Variants in ADCY10 observed in about 807,000 individuals in gnomAD.
The protein encoded by ADCY10 is adenylate cyclase type 10.
A neutral mutation model predicts 183.3 loss-of-function variants in ADCY10; 156 were observed. The observed-to-expected ratio is 0.85, with a 90% CI of 0.75 to 0.97. ADCY10 has a LOEUF of 0.97. Ranked by LOEUF, ADCY10 falls within the 50% of genes least tolerant of loss-of-function variation. ADCY10 has a pLI of 0.00. For synonymous variants in ADCY10, 645 were observed against 670.0 expected (o/e 0.96, Z 0.58); for missense variants, 1,745 against 1,934.3 (o/e 0.90, Z 1.84).
At chr1:167,842,288 T>TG (rs1238297283) in intron 21 of ADCY10, among the ~76,000 whole-genome samples, 5 of 152,168 alleles carry the variant, frequency 3.3e-5, no homozygotes, top group African/African-American at 1.2e-4. Context: ...TATAGATGTG[T>TG]GCCATCATAC....
chr1:167,876,524 T>A (rs562397186), intron 12 of ADCY10, among the ~76,000 whole-genome samples: 115 of 152,324 alleles, frequency 7.5e-4, no homozygotes, highest in African/African-American at 2.6e-3. Flanking sequence ...AAGGTTCCCA[T>A]GTAACATACA....
At chr1:167,858,466 C>G (rs1029387971) in intron 16 of ADCY10, among the ~76,000 whole-genome samples, 1 of 141,260 alleles carries the variant, frequency 7.1e-6, no homozygotes, top group African/African-American at 2.6e-5. Context: ...CCATTGCACT[C>G]CAGCCTGGGC....
intron 12 of ADCY10, among the ~76,000 whole-genome samples, chr1:167,876,393 G>T (rs1357806144): frequency 1.3e-5 from 2 of 152,022 alleles, no homozygotes; most frequent in Admixed American, 1.3e-4. Flanking sequence ...CATAGGCCAG[G>T]GTGCATATGT....
intron 28 of ADCY10, among the ~76,000 whole-genome samples, chr1:167,823,412 G>A (rs1051002834): frequency 6.2e-5 from 6 of 97,108 alleles, no homozygotes; most frequent in Non-Finnish European, 5.7e-5. Flanking sequence ...GCAAAAGAGC[G>A]AAACTCCATC....
rs1668996145 is a variant in ADCY10 at position 167,896,636 on chromosome 1, C to T, written c.698G>A (p.Cys233Tyr). 1.9e-6 allele frequency: 3 copies of T among 1,613,774 alleles called. No homozygotes were observed. The highest frequency in any genetic ancestry group is 2.5e-6 in the Non-Finnish European group (3 of 1,179,700). Residue 233 changes from cysteine (C) to tyrosine (Y), a missense_variant, in exon 7 of 33, where the codon TGT becomes TAT. Coordinates refer to ENST00000367851, the MANE Select transcript of ADCY10 (RefSeq NM_018417.6). The part of the protein sequence containing the change: ...NFNFDEFFTK[C>Y]TTFMHYYPSG... ...AGGATAATAATGCATGAAGGTCGTA[C>T]ACTTTGTGAAAAATTCATCAAAATT...
chr1:167,892,703 T>C (rs1668680535), intron 8 of ADCY10, among the ~76,000 whole-genome samples: 1 of 152,186 alleles, frequency 6.6e-6, no homozygotes, highest in Non-Finnish European at 1.5e-5. Flanking sequence ...GGGTGCATTC[T>C]GATACCTCTC....
intron 25 of ADCY10, among the ~76,000 whole-genome samples, chr1:167,831,492 C>A (rs1431571543): frequency 1.3e-5 from 2 of 152,180 alleles, no homozygotes; most frequent in Admixed American, 6.5e-5. Flanking sequence ...CAACACCCAG[C>A]CCTGGGTAAA....
At position 167,827,334 on chromosome 1, in the gene ADCY10, A is replaced by ATTTT. The variant is rs35177857; in HGVS notation, c.3750+1929_3750+1932dup. Among the ~76,000 whole-genome samples, 858 of 132,864 alleles carry ATTTT rather than the reference A, an allele frequency of 6.5e-3. 12 individuals carry two copies. Among genetic ancestry groups the ATTTT allele is most frequent in the African/African-American group, 0.023 (818 of 35,062 alleles). The allele number at this position is 132,864 out of a possible 152,430, so 87.2% of individuals were successfully genotyped here. ...AGGCGCCCGCCACCACGCCCGGCTA[A>ATTTT]TTTTTTTTTTTTTTTTTGTATTTTC... On this transcript the variant is annotated intron_variant, in intron 26 of 32. Coordinates refer to ENST00000367851, the MANE Select transcript of ADCY10 (RefSeq NM_018417.6).
intron 30 of ADCY10, among the ~76,000 whole-genome samples, chr1:167,818,869 G>A (rs1428457147): frequency 6.6e-6 from 1 of 152,178 alleles, no homozygotes; most frequent in Non-Finnish European, 1.5e-5. Flanking sequence ...AAGTGAGGGA[G>A]ATCAGACACT....
chr1:167,868,759 T>G (rs747763529), intron 14 of ADCY10, among the ~76,000 whole-genome samples: 5 of 152,352 alleles, frequency 3.3e-5, no homozygotes, highest in Admixed American at 6.5e-5. Flanking sequence ...ATTAAAAAGA[T>G]GATGAATGAC....
intron 16 of ADCY10, among the ~76,000 whole-genome samples, chr1:167,858,089 C>T (rs1299291067): frequency 2.0e-5 from 3 of 152,158 alleles, no homozygotes; most frequent in African/African-American, 7.2e-5. Flanking sequence ...AAGAAGAAAG[C>T]TGTATTATAA....
chr1:167,859,721 G>A, intron 16 of ADCY10, 86 bp downstream of exon 16: 1 of 958,590 alleles, frequency 1.0e-6, no homozygotes, highest in East Asian at 2.4e-5. Flanking sequence ...TCTTGCCAAT[G>A]TGGTCTGAAC....
intron 7 of ADCY10, 55 bp from the exon 8 acceptor site, chr1:167,893,996 G>T: frequency 8.0e-7 from 1 of 1,248,714 alleles, no homozygotes; most frequent in Non-Finnish European, 1.2e-6. Flanking sequence ...GCTCTGCAGT[G>T]CTAGTGAGAG....
At chr1:167,844,983 CT>C (rs1253862397) in intron 21 of ADCY10, among the ~76,000 whole-genome samples, 16 of 152,172 alleles carry the variant, frequency 1.1e-4, no homozygotes, top group African/African-American at 3.9e-4. Flanking sequence ...CTTACACCCC[CT>C]GAATCCTCTG....
At chr1:167,829,158 C>G in intron 26 of ADCY10, 109 bp downstream of exon 26, 3 of 1,316,274 alleles carry the variant, frequency 2.3e-6, no homozygotes, top group Non-Finnish European at 3.2e-6. Context: ...AATCAGAAAG[C>G]CTTCTATTAT....
intron 13 of ADCY10, among the ~76,000 whole-genome samples, chr1:167,871,785 A>AACT (rs141707423): frequency 0.025 from 3,771 of 152,330 alleles, 156 homozygotes; most frequent in African/African-American, 0.083. Flanking sequence ...GCTTAGTGAG[A>AACT]ACTACTTAGC....
At chr1:167,874,902 C>T (rs1254221394) in intron 13 of ADCY10, among the ~76,000 whole-genome samples, 1 of 152,096 alleles carries the variant, frequency 6.6e-6, no homozygotes, top group African/African-American at 2.4e-5. Context: ...CCATCTGTAT[C>T]AATTTTTTAA....
At chr1:167,809,912 C>T in intron 32 of ADCY10, 73 bp from the exon 33 acceptor site, 2 of 1,463,654 alleles carry the variant, frequency 1.4e-6, no homozygotes, top group Non-Finnish European at 1.9e-6. Flanking sequence ...AGTCCAATAT[C>T]AAACAAGGCA....
intron 8 of ADCY10, among the ~76,000 whole-genome samples, chr1:167,890,886 C>T (rs899972201): frequency 1.8e-4 from 28 of 152,142 alleles, no homozygotes; most frequent in African/African-American, 6.3e-4. Flanking sequence ...CACAGCTTTC[C>T]CAAGGTCACA....
Sources: allele counts gnomAD v4.1 joint callset (sites outside exome capture counted in the v4.1 genomes callset), GRCh38; gene constraint gnomAD v4.1.1; transcripts MANE v1.5; gene names NCBI Gene and HGNC (gene_info 2026-07-23, HGNC 2026-07-21).